The following EIF2AK2 variants were observed in gnomAD, a reference collection of about 807,000 sequenced individuals.
EIF2AK2 encodes eukaryotic translation initiation factor 2 alpha kinase 2.
In EIF2AK2, 40 loss-of-function variants were observed where a neutral mutation model predicts 70.5. The observed-to-expected ratio is 0.57, with a 90% CI of 0.44 to 0.74. The LOEUF (loss-of-function observed/expected upper bound fraction) is 0.74. Among genes scored for constraint, EIF2AK2 ranks in the 30% least tolerant of loss-of-function variants. EIF2AK2 has a pLI of 0.00. For synonymous variants in EIF2AK2, 198 were observed against 220.9 expected, an observed-to-expected ratio of 0.90 and a Z score of 0.92; for missense variants, 555 against 644.3, an observed-to-expected ratio of 0.86 and a Z score of 1.50.
chr2:37,154,874 T>G (rs573866951), intron 1 of EIF2AK2, among the ~76,000 whole-genome samples: 1 of 152,130 alleles, frequency 6.6e-6, no homozygotes, highest in African/African-American at 2.4e-5. Context: ...GGTTTTCTTC[T>G]GTTCTGACAA....
intron 10 of EIF2AK2, among the ~76,000 whole-genome samples, chr2:37,133,932 T>A (rs1352648301): frequency 6.6e-6 from 1 of 152,180 alleles, no homozygotes; most frequent in Non-Finnish European, 1.5e-5. Flanking sequence ...AATTCCCTAA[T>A]CACATCAACC....
intron 10 of EIF2AK2, among the ~76,000 whole-genome samples, chr2:37,126,684 C>T (rs781521669): frequency 1.3e-5 from 2 of 152,052 alleles, no homozygotes; most frequent in Non-Finnish European, 2.9e-5. Context: ...AGTCCAGGTG[C>T]CATGGCTCAT....
rs950169764 is a variant in EIF2AK2 at position 37,102,700 on chromosome 2, C to A, written c.*4573G>T. On this transcript the variant is annotated 3_prime_UTR_variant, in exon 17 of 17. Transcript: ENST00000233057. ...GCACAAGACTGTGCTTAGAAGCACC[C>A]CACACCTAATTTTTGAACGAGGGCC... 1 of 152,086 alleles carries A rather than the reference C, an allele frequency of 6.6e-6. No individual in the cohort carries two copies. Among genetic ancestry groups the A allele is most frequent in the Admixed American group, 6.6e-5 (1 of 15,256 alleles). 9.4% of individuals were successfully genotyped at this position (152,086 alleles called of 1,614,324 possible). A position where few individuals can be genotyped will look rare whatever the true frequency, so the allele number is the denominator to read the frequency against.
intron 13 of EIF2AK2, among the ~76,000 whole-genome samples, chr2:37,117,501 C>T (rs1176752169): frequency 1.3e-5 from 2 of 152,168 alleles, no homozygotes; most frequent in Admixed American, 1.3e-4. Context: ...CATACAACTG[C>T]ACTCCAGCCT....
chr2:37,124,364 C>T (rs1255006081), intron 11 of EIF2AK2, among the ~76,000 whole-genome samples: 4 of 152,002 alleles, frequency 2.6e-5, no homozygotes, highest in African/African-American at 4.8e-5. Flanking sequence ...TGGGTTCAAG[C>T]GATTCTCCTG....
At chr2:37,111,687 C>G (rs1333541600) in intron 14 of EIF2AK2, among the ~76,000 whole-genome samples, 2 of 146,794 alleles carry the variant, frequency 1.4e-5, no homozygotes, top group African/African-American at 5.0e-5. Flanking sequence ...AACCCAGTCT[C>G]TACAAAAAAT....
rs1318418504 is a variant in EIF2AK2 at position 37,102,993 on chromosome 2, C to T, written c.*4280G>A. 1.5e-5 allele frequency: 2 copies of T among 135,816 alleles called. No individual in the cohort carries two copies. The highest frequency in any genetic ancestry group is 4.5e-4 in the East Asian group (2 of 4,486). The allele number at this position is 135,816 out of a possible 1,614,324, so 8.4% of individuals were successfully genotyped here. A position where few individuals can be genotyped will look rare whatever the true frequency, so the allele number is the denominator to read the frequency against. On this transcript the variant is annotated 3_prime_UTR_variant, in exon 17 of 17. Coordinates refer to ENST00000233057, the MANE Select transcript of EIF2AK2 (RefSeq NM_001135651.3). ...GGGAGGCAATTATATTAAAATGGCT[C>T]TCAAAATTTCTGTGTGTGTGTGTGT...
chr2:37,143,045 A>G (rs1675390193), intron 4 of EIF2AK2, among the ~76,000 whole-genome samples: 1 of 152,016 alleles, frequency 6.6e-6, no homozygotes, highest in Admixed American at 6.5e-5. Context: ...TGGCCAACAT[A>G]GTGAAACCCT....
chr2:37,139,890 A>T, intron 5 of EIF2AK2, 133 bp from the exon 6 acceptor site: 1 of 950,912 alleles, frequency 1.1e-6, no homozygotes, highest in Non-Finnish European at 1.5e-6. Flanking sequence ...TATAGTTCAT[A>T]TCTTGCATAA....
rs530868397 is a variant in EIF2AK2, at chr2:37,142,557, G to C, written c.241-856C>G. 2.1e-4 allele frequency among the ~76,000 whole-genome samples: 31 copies of C among 150,468 alleles called. No homozygotes were observed. In the South Asian group the frequency reaches 4.4e-3, roughly 22 times the overall value. On this transcript the variant is annotated intron_variant, in intron 4 of 16. Coordinates refer to ENST00000233057, the MANE Select transcript of EIF2AK2 (RefSeq NM_001135651.3). The stretch of plus-strand genomic sequence containing the variant: ...GTTATTTTCTTTCTTCTGCTTTTTG[G>C]GGGTAAAACATTCTGTTTTTTGTTT...
At chr2:37,147,434 G>C in intron 3 of EIF2AK2, among the ~76,000 whole-genome samples, 1 of 149,968 alleles carries the variant, frequency 6.7e-6, no homozygotes. Flanking sequence ...TTAGCATTAG[G>C]TATATCTCCT....
intron 10 of EIF2AK2, 115 bp from the exon 11 acceptor site, chr2:37,126,526 A>T (rs1674736161): frequency 2.8e-6 from 4 of 1,408,252 alleles, no homozygotes; most frequent in Non-Finnish European, 3.8e-6. Flanking sequence ...AACAAATTTG[A>T]TTCTCTCCTT....
At chr2:37,150,059 G>A (rs1675689505) in intron 1 of EIF2AK2, among the ~76,000 whole-genome samples, 1 of 151,924 alleles carries the variant, frequency 6.6e-6, no homozygotes, top group Non-Finnish European at 1.5e-5. Context: ...GCATTCATAG[G>A]AGCTTAGTGA....
At chr2:37,126,988 A>AAAAAAAAAAAAAAAAC (rs1674758757) in intron 10 of EIF2AK2, among the ~76,000 whole-genome samples, 1 of 135,660 alleles carries the variant, frequency 7.4e-6, no homozygotes, top group African/African-American at 2.7e-5. Context: ...AAAAAAAAAA[A>AAAAAAAAAAAAAAAAC]AAAAAAAAAA....
At chr2:37,144,364 T>TAAA (rs35471741) in intron 4 of EIF2AK2, among the ~76,000 whole-genome samples, 1,857 of 146,794 alleles carry the variant, frequency 0.013, 27 homozygotes, top group African/African-American at 0.04. Context: ...TCCTTCTACT[T>TAAA]AAAAAAAAAA....
chr2:37,142,733 T>C (rs547276676), intron 4 of EIF2AK2, among the ~76,000 whole-genome samples: 10 of 152,304 alleles, frequency 6.6e-5, no homozygotes, highest in African/African-American at 2.4e-4. Flanking sequence ...ATTTTCCAAA[T>C]CTGAGAATGG....
At chr2:37,126,966 A>G (rs989801095) in intron 10 of EIF2AK2, among the ~76,000 whole-genome samples, 6 of 104,650 alleles carry the variant, frequency 5.7e-5, no homozygotes, top group African/African-American at 2.2e-4. Flanking sequence ...TCAAAAAAAC[A>G]GAAAAAAAAA....
In EIF2AK2 at chr2:37,101,016, C is replaced by CTT. The variant is rs1281065459; in HGVS notation, c.*6255_*6256dup. ...ACCTTCTAACAAACTTGGAGGTAAT[C>CTT]TTTGATGCTTACCTTTCCTTAATCC... On this transcript the variant is annotated 3_prime_UTR_variant, in exon 17 of 17. Coordinates refer to ENST00000233057, the MANE Select transcript of EIF2AK2 (RefSeq NM_001135651.3). 6.6e-6 allele frequency: 1 copy of CTT among 152,232 alleles called. No homozygotes were observed. 9.4% of individuals were successfully genotyped at this position (152,232 alleles called of 1,614,324 possible).
At chr2:37,147,637 A>G (rs1675601239) in intron 3 of EIF2AK2, 51 bp downstream of exon 3, 1 of 1,243,482 alleles carries the variant, frequency 8.0e-7, no homozygotes. Flanking sequence ...TACAAAGGAC[A>G]TGAACTCATC....
Sources: allele counts gnomAD v4.1 joint callset (sites outside exome capture counted in the v4.1 genomes callset), GRCh38; gene constraint gnomAD v4.1.1; transcripts MANE v1.5; gene names NCBI Gene and HGNC (gene_info 2026-07-23, HGNC 2026-07-21).